TIA1: variants seen among roughly 807,000 people sequenced by gnomAD.
TIA1 encodes cytotoxic granule associated RNA binding protein TIA1.
A neutral mutation model predicts 65.9 loss-of-function variants in TIA1; 23 were observed. The ratio of observed to expected loss-of-function variants is 0.35; its 90% confidence interval spans 0.25 to 0.49. The LOEUF is 0.49. Among genes scored for constraint, TIA1 ranks in the 20% least tolerant of loss-of-function variants. TIA1 has a pLI of 0.98. For synonymous variants in TIA1, 147 were observed against 149.4 expected (o/e 0.98, Z 0.12); for missense variants, 371 against 477.9 (o/e 0.78, Z 2.09).
At chr2:70,216,369 T>TA in intron 9 of TIA1, 35 bp downstream of exon 9, 1 of 1,591,396 alleles carries the variant, frequency 6.3e-7, no homozygotes, top group Non-Finnish European at 8.5e-7. Context: ...CTTTGCACTT[T>TA]AAAAATTAAT....
chr2:70,213,387 A>G (rs1458169773), intron 12 of TIA1, among the ~76,000 whole-genome samples: 1 of 149,252 alleles, frequency 6.7e-6, no homozygotes, highest in Non-Finnish European at 1.5e-5. Flanking sequence ...TGTGTCACCC[A>G]GGCTGGAGTA....
intron 6 of TIA1, among the ~76,000 whole-genome samples, chr2:70,227,004 C>T (rs569990425): frequency 1.3e-5 from 2 of 152,202 alleles, no homozygotes; most frequent in African/African-American, 4.8e-5. Context: ...TTCCTTTTTA[C>T]TATTCTTCTA....
At position 70,214,405 on chromosome 2, in the gene TIA1, A is replaced by T. The variant is rs78236170; in HGVS notation, c.978T>A (p.Gly326=). 6.2e-7 allele frequency: 1 copy of T among 1,614,018 alleles called. No individual in the cohort carries two copies. The highest frequency in any genetic ancestry group is 8.5e-7 in the Non-Finnish European group (1 of 1,179,968). Residue 326 remains glycine (G), a synonymous_variant, in exon 12 of 13, where the codon GGT becomes GGA. Transcript: ENST00000433529. The part of the protein sequence containing the change: ...AQQIGQYMPN[G]WQVPAYGMYG... ...ACATTCCATATGCAGGAACTTGCCA[A>T]CCATTAGGCATATACTGGCCAATTT... is the stretch of plus-strand genomic sequence containing the variant.
chr2:70,222,078 C>T (rs1681654497), intron 7 of TIA1, among the ~76,000 whole-genome samples: 2 of 151,988 alleles, frequency 1.3e-5, no homozygotes, highest in African/African-American at 4.8e-5. Flanking sequence ...CTGTGCCCGG[C>T]CACACTGTAT....
At chr2:70,232,162 T>C (rs930733335) in intron 2 of TIA1, among the ~76,000 whole-genome samples, 3 of 145,008 alleles carry the variant, frequency 2.1e-5, no homozygotes, top group African/African-American at 5.2e-5. Context: ...TGAGCCGAGA[T>C]TGCACCACTG....
intron 5 of TIA1, chr2:70,228,498 C>G: frequency 8.1e-7 from 1 of 1,235,240 alleles, no homozygotes; most frequent in Non-Finnish European, 1.0e-6. Context: ...AATCCCTTCA[C>G]TTTATATCAG....
intron 2 of TIA1, among the ~76,000 whole-genome samples, chr2:70,231,568 T>TA (rs1686310597): frequency 6.6e-6 from 1 of 152,226 alleles, no homozygotes; most frequent in African/African-American, 2.4e-5. Context: ...ACTGGATATA[T>TA]AGCTACACAT....
chr2:70,228,384 T>A (rs1318211003), intron 5 of TIA1: 1 of 1,288,290 alleles, frequency 7.8e-7, no homozygotes, highest in Non-Finnish European at 1.0e-6. Flanking sequence ...TTTGACAGTT[T>A]TCTCAAAAGC....
chr2:70,248,628 C>G lies in TIA1; in HGVS notation c.-198G>C, dbSNP rs1042014607. Reference sequence around the variant, plus strand: ...ATGAAACCCCAATACAAGATGGCGGCGAGCCGGGAGCCTAGGAGCAGCCAG... The same window carrying G: ...ATGAAACCCCAATACAAGATGGCGGGGAGCCGGGAGCCTAGGAGCAGCCAG... On this transcript the variant is annotated 5_prime_UTR_variant, in exon 1 of 13. Transcript: ENST00000433529. The G allele has an allele frequency of 5.6e-6, 4 of 716,670 alleles. No homozygotes were observed. Among genetic ancestry groups the G allele is most frequent in the African/African-American group, 5.3e-5 (3 of 56,088 alleles). 44.4% of individuals were successfully genotyped at this position (716,670 alleles called of 1,614,324 possible).
Position 70,210,719 on chromosome 2 carries a change from A to C in TIA1, c.*2000T>G, listed in dbSNP as rs1363514234. On this transcript the variant is annotated 3_prime_UTR_variant, in exon 13 of 13. Transcript: ENST00000433529. ...GGGTCCTAAAGTAGAAACATAAGCC[A>C]GAAGAAATCTAAAAATAGCTTCCTG... 6.6e-6 allele frequency: 1 copy of C among 152,240 alleles called. No individual in the cohort carries two copies. The highest frequency in any genetic ancestry group is 6.5e-5 in the Admixed American group (1 of 15,282). The allele number at this position is 152,240 out of a possible 1,614,324, so 9.4% of individuals were successfully genotyped here. A position where few individuals can be genotyped will look rare whatever the true frequency, so the allele number is the denominator to read the frequency against.
chr2:70,217,866 G>A (rs17005409), intron 7 of TIA1, among the ~76,000 whole-genome samples: 12,848 of 152,222 alleles, frequency 0.084, 568 homozygotes, highest in East Asian at 0.18. Flanking sequence ...TCGTGAGCCC[G>A]ACAGCCCTAA....
intron 6 of TIA1, among the ~76,000 whole-genome samples, chr2:70,226,731 G>A (rs1477312655): frequency 6.6e-6 from 1 of 152,094 alleles, no homozygotes; most frequent in Admixed American, 6.5e-5. Context: ...TTATTAAGAA[G>A]GACAATCAAG....
chr2:70,233,059 T>C (rs959517369), intron 2 of TIA1, among the ~76,000 whole-genome samples: 38 of 152,304 alleles, frequency 2.5e-4, no homozygotes, highest in Non-Finnish European at 4.6e-4. Context: ...CTAAACAGAT[T>C]TGTTAAAATA....
intron 2 of TIA1, among the ~76,000 whole-genome samples, chr2:70,231,056 T>C (rs1686045296): frequency 6.6e-6 from 1 of 152,106 alleles, no homozygotes; most frequent in African/African-American, 2.4e-5. Context: ...TCCCAGCACT[T>C]TGGGAGGCCA....
intron 10 of TIA1, 104 bp from the exon 11 acceptor site, chr2:70,215,598 C>A: frequency 1.0e-6 from 1 of 984,056 alleles, no homozygotes. Context: ...AAACAGTTTG[C>A]GTAACATGGC....
intron 1 of TIA1, among the ~76,000 whole-genome samples, chr2:70,237,529 TA>T (rs112899903): frequency 7.3e-4 from 111 of 152,196 alleles, no homozygotes; most frequent in African/African-American, 2.7e-3. Context: ...AGACAAGCTT[TA>T]AAAACACTCA....
In TIA1 at chr2:70,209,673, T is replaced by C; in HGVS notation, c.*3046A>G. 5.0e-6 allele frequency: 2 copies of C among 398,394 alleles called. No homozygotes were observed. The highest frequency in any genetic ancestry group is 8.9e-6 in the Non-Finnish European group (2 of 225,962). The allele number at this position is 398,394 out of a possible 1,614,324, so 24.7% of individuals were successfully genotyped here. A position where few individuals can be genotyped will look rare whatever the true frequency, so the allele number is the denominator to read the frequency against. On this transcript the variant is annotated 3_prime_UTR_variant, in exon 13 of 13. Transcript: ENST00000433529. Reference sequence around the variant, plus strand: ...TCTAGGAGTTGTTTATCCCTGCTCATGCTTAAGATTGACGATTTCGTGAAA... The same window carrying C: ...TCTAGGAGTTGTTTATCCCTGCTCACGCTTAAGATTGACGATTTCGTGAAA...
At chr2:70,221,387 T>C (rs1681269571) in intron 7 of TIA1, among the ~76,000 whole-genome samples, 3 of 151,882 alleles carry the variant, frequency 2.0e-5, no homozygotes, top group Admixed American at 1.3e-4. Flanking sequence ...GGAGGATGGA[T>C]TGAGGCCAGG....
rs200987624 is a variant in TIA1, at chr2:70,222,151, A to AC, written c.474+2402_474+2403insG. Among the ~76,000 whole-genome samples, 74 of 152,044 alleles carry AC rather than the reference A, an allele frequency of 4.9e-4. 1 individual carries two copies. Among genetic ancestry groups the AC allele is most frequent in the Middle Eastern group, 3.4e-3 (1 of 294 alleles). ...AAAACAAAACAAAACAAACAAACAA[A>AC]AAAAAAACAATGAAGCAGTGGCAGC... On this transcript the variant is annotated intron_variant, in intron 7 of 12. Coordinates refer to ENST00000433529, the MANE Select transcript of TIA1 (RefSeq NM_022173.4).
Sources: gnomAD v4.1 joint callset for allele counts (sites outside exome capture counted in the v4.1 genomes callset) on GRCh38, gnomAD v4.1.1 for gene constraint, MANE v1.5 for transcripts, NCBI Gene and HGNC (gene_info 2026-07-23, HGNC 2026-07-21) for gene names.